The following FNDC3B variants were observed in gnomAD, a reference collection of about 807,000 sequenced individuals.
FNDC3B encodes fibronectin type III domain-containing protein 3B.
In FNDC3B, 12 loss-of-function variants were observed where a neutral mutation model predicts 151.5. That is an observed-to-expected ratio of 0.08 (90% CI 0.05 to 0.13). The LOEUF (loss-of-function observed/expected upper bound fraction) is 0.13, where lower values mean the gene tolerates loss of function less well. Ranked by LOEUF, FNDC3B falls within the 10% of genes least tolerant of loss-of-function variation. The pLI is 1.00. For synonymous variants in FNDC3B, 528 were observed against 549.0 expected (o/e 0.96, Z 0.54); for missense variants, 1,214 against 1,505.3 (o/e 0.81, Z 3.20).
chr3:172,382,938 C>A (rs1396394856), intron 25 of FNDC3B, among the ~76,000 whole-genome samples: 2 of 152,100 alleles, frequency 1.3e-5, no homozygotes, highest in Non-Finnish European at 2.9e-5. Flanking sequence ...TTAGGATTGT[C>A]TTGGCTATAC....
At chr3:172,296,873 G>A (rs1340325356) in intron 8 of FNDC3B, among the ~76,000 whole-genome samples, 1 of 152,198 alleles carries the variant, frequency 6.6e-6, no homozygotes, top group Non-Finnish European at 1.5e-5. Context: ...GGGGACTTGA[G>A]TATGTGTATA....
intron 3 of FNDC3B, among the ~76,000 whole-genome samples, chr3:172,162,426 A>G (rs1722825657): frequency 6.6e-6 from 1 of 152,094 alleles, no homozygotes; most frequent in South Asian, 2.1e-4. Context: ...CTTTTTGGCT[A>G]TTAATACCGT....
At chr3:172,256,425 G>A (rs968774870) in intron 6 of FNDC3B, among the ~76,000 whole-genome samples, 1 of 152,220 alleles carries the variant, frequency 6.6e-6, no homozygotes, top group Non-Finnish European at 1.5e-5. Flanking sequence ...GTCCACAGAT[G>A]TTCAAGGACA....
intron 3 of FNDC3B, among the ~76,000 whole-genome samples, chr3:172,170,566 T>C (rs186990833): frequency 7.9e-4 from 120 of 152,346 alleles, no homozygotes; most frequent in Non-Finnish European, 1.3e-3. Context: ...GAAAAAGAGA[T>C]ACCTGATTGG....
intron 1 of FNDC3B, among the ~76,000 whole-genome samples, chr3:172,050,700 C>CGTGTGTGTGTGT (rs71975191): frequency 3.1e-4 from 45 of 145,076 alleles, no homozygotes; most frequent in African/African-American, 1.1e-3. Flanking sequence ...GGTATATTTT[C>CGTGTGTGTGTGT]GTGTGTGTGT....
intron 3 of FNDC3B, among the ~76,000 whole-genome samples, chr3:172,140,265 C>T (rs1337734383): frequency 1.1e-4 from 17 of 152,194 alleles, no homozygotes; most frequent in Admixed American, 1.1e-3. Context: ...CAAGACCAAT[C>T]AGTCTTTTAC....
chr3:172,214,723 C>T (rs1725893289), intron 3 of FNDC3B, among the ~76,000 whole-genome samples: 1 of 152,182 alleles, frequency 6.6e-6, no homozygotes, highest in Non-Finnish European at 1.5e-5. Context: ...ACATCCTGGA[C>T]ATTTCTCTCT....
At chr3:172,187,996 G>GTTTTTTTTTTTTTTTTTTTTTTTTT (rs35110477) in intron 3 of FNDC3B, among the ~76,000 whole-genome samples, 1 of 134,656 alleles carries the variant, frequency 7.4e-6, no homozygotes. Flanking sequence ...TATTTAAGCA[G>GTTTTTTTTTTTTTTTTTTTTTTTTT]TTTTTTTTTT....
intron 16 of FNDC3B, 59 bp downstream of exon 16, chr3:172,337,460 A>G: frequency 9.4e-7 from 1 of 1,066,182 alleles, no homozygotes; most frequent in Admixed American, 1.7e-5. Context: ...TTTCTAATAT[A>G]GTAAATGTCT....
chr3:172,064,753 A>G (rs1240641079), intron 1 of FNDC3B, among the ~76,000 whole-genome samples: 1 of 152,204 alleles, frequency 6.6e-6, no homozygotes, highest in Non-Finnish European at 1.5e-5. Context: ...ATATTACATG[A>G]AACTGGTTTT....
At chr3:172,308,998 C>T (rs954365833) in intron 10 of FNDC3B, among the ~76,000 whole-genome samples, 1 of 152,134 alleles carries the variant, frequency 6.6e-6, no homozygotes, top group Non-Finnish European at 1.5e-5. Context: ...TGCTTAAAAC[C>T]TGGATGAATT....
intron 3 of FNDC3B, among the ~76,000 whole-genome samples, chr3:172,156,061 A>T (rs1373976776): frequency 6.6e-6 from 1 of 152,170 alleles, no homozygotes; most frequent in Non-Finnish European, 1.5e-5. Flanking sequence ...AACTGCGAGT[A>T]GGAGGCCATG....
At chr3:172,049,967 A>C (rs62283777) in intron 1 of FNDC3B, among the ~76,000 whole-genome samples, 14,216 of 152,196 alleles carry the variant, frequency 0.093, 817 homozygotes, top group East Asian at 0.2. Flanking sequence ...AGTTCCTTAG[A>C]CTGTAAAACC....
intron 3 of FNDC3B, among the ~76,000 whole-genome samples, chr3:172,176,121 T>A (rs1426683511): frequency 6.6e-6 from 1 of 152,210 alleles, no homozygotes; most frequent in Non-Finnish European, 1.5e-5. Flanking sequence ...CTTTGATTAG[T>A]TGGATTTCCT....
intron 1 of FNDC3B, among the ~76,000 whole-genome samples, chr3:172,052,326 C>G (rs1280765480): frequency 6.6e-6 from 1 of 152,024 alleles, no homozygotes; most frequent in Non-Finnish European, 1.5e-5. Context: ...GATCCGCCCA[C>G]CTTGGCGTCC....
At chr3:172,162,810 TCTGTG>T (rs1486948430) in intron 3 of FNDC3B, among the ~76,000 whole-genome samples, 1 of 152,202 alleles carries the variant, frequency 6.6e-6, no homozygotes, top group African/African-American at 2.4e-5. Context: ...GTAATGAAAT[TCTGTG>T]CTAGGACCAG....
chr3:172,111,632 A>G (rs1719974369), intron 1 of FNDC3B, among the ~76,000 whole-genome samples: 1 of 152,088 alleles, frequency 6.6e-6, no homozygotes, highest in African/African-American at 2.4e-5. Flanking sequence ...GGTGGGATGG[A>G]GGGAGGAGAG....
intron 11 of FNDC3B, among the ~76,000 whole-genome samples, chr3:172,320,888 A>G (rs1436974418): frequency 6.6e-6 from 1 of 152,258 alleles, no homozygotes; most frequent in African/African-American, 2.4e-5. Context: ...GTTAGTAAAG[A>G]AGAAAAATTA....
chr3:172,307,586 G>A, intron 10 of FNDC3B, 85 bp downstream of exon 10: 3 of 1,386,572 alleles, frequency 2.2e-6, no homozygotes, highest in Non-Finnish European at 3.0e-6. Context: ...CCAGCTACCT[G>A]GGAGGCTGAG....
Sources: gnomAD v4.1 joint callset for allele counts (sites outside exome capture counted in the v4.1 genomes callset) on GRCh38, gnomAD v4.1.1 for gene constraint, MANE v1.5 for transcripts, NCBI Gene and HGNC (gene_info 2026-07-23, HGNC 2026-07-21) for gene names.